AKT3: variants seen among roughly 807,000 people sequenced by gnomAD.
AKT3 encodes the protein AKT serine/threonine kinase 3, also known as RAC-gamma serine/threonine-protein kinase.
Under a neutral mutation model 65.3 loss-of-function variants are expected in AKT3, and 15 were observed. That is an observed-to-expected ratio of 0.23 (90% CI 0.15 to 0.35). The LOEUF is 0.35. Among genes scored for constraint, AKT3 ranks in the 10% least tolerant of loss-of-function variants. The probability of loss-of-function intolerance (pLI) is 1.00; values close to 1 mark genes in which losing one functional copy is unlikely to be tolerated. For synonymous variants in AKT3, 206 were observed against 183.8 expected (o/e 1.12, Z -0.98); for missense variants, 243 against 576.5 (o/e 0.42, Z 5.92).
chr1:243,846,149 A>T (rs1229633256), intron 1 of AKT3, among the ~76,000 whole-genome samples: 2 of 152,214 alleles, frequency 1.3e-5, no homozygotes, highest in Non-Finnish European at 2.9e-5. Context: ...AAAACATTCA[A>T]ACAGCATTTC....
chr1:243,834,911 T>G (rs1168760802), intron 2 of AKT3, among the ~76,000 whole-genome samples: 2 of 152,148 alleles, frequency 1.3e-5, no homozygotes, highest in African/African-American at 4.8e-5. Context: ...TATAACATTA[T>G]AACAGAGTTT....
intron 7 of AKT3, among the ~76,000 whole-genome samples, chr1:243,614,095 G>C (rs1054396667): frequency 6.6e-6 from 1 of 152,172 alleles, no homozygotes; most frequent in Admixed American, 6.5e-5. Context: ...TACACTAGTT[G>C]AAGTTCCTTA....
chr1:243,766,981 T>C (rs996929507), intron 2 of AKT3, among the ~76,000 whole-genome samples: 1 of 152,102 alleles, frequency 6.6e-6, no homozygotes, highest in Admixed American at 6.6e-5. Context: ...GGCATACCCA[T>C]GGGGAAGTTT....
At chr1:243,566,877 G>A (rs1403604770) in intron 9 of AKT3, among the ~76,000 whole-genome samples, 1 of 152,108 alleles carries the variant, frequency 6.6e-6, no homozygotes, top group African/African-American at 2.4e-5. Context: ...AAAAAACACT[G>A]TATTTTAAAG....
At position 243,591,022 on chromosome 1, in the gene AKT3, G is replaced by A. The variant is rs143059907; in HGVS notation, c.697-17974C>T. On this transcript the variant is annotated intron_variant, in intron 8 of 13. Coordinates refer to ENST00000673466, the MANE Select transcript of AKT3 (RefSeq NM_005465.7). ...ACAAAACAAAACAAAAAGAGCCTAC[G>A]AGGATCCTTGATTTAATGATACTGA... Among the ~76,000 whole-genome samples the A allele has an allele frequency of 4.7e-3, 718 of 152,194 alleles. 4 individuals are homozygous for A. The highest frequency in any genetic ancestry group is 8.2e-3 in the Non-Finnish European group (558 of 68,022).
At chr1:243,794,320 G>A (rs1175483609) in intron 2 of AKT3, 1 of 152,324 alleles carries the variant, frequency 6.6e-6, no homozygotes, top group South Asian at 2.1e-4. Flanking sequence ...ACAGGCATAA[G>A]CCACTGTACC....
At chr1:243,505,957 G>A (rs537124180) in intron 13 of AKT3, among the ~76,000 whole-genome samples, 8 of 152,360 alleles carry the variant, frequency 5.3e-5, no homozygotes, top group Admixed American at 2.0e-4. Flanking sequence ...GACTTGAAAG[G>A]CATCAAAACA....
intron 2 of AKT3, among the ~76,000 whole-genome samples, chr1:243,784,775 C>A (rs975608518): frequency 6.6e-6 from 1 of 152,210 alleles, no homozygotes; most frequent in Admixed American, 6.5e-5. Context: ...CTGGCCTTCA[C>A]GGCCTCCTGT....
chr1:243,751,451 T>C (rs1688807483), intron 2 of AKT3, among the ~76,000 whole-genome samples: 1 of 152,258 alleles, frequency 6.6e-6, no homozygotes, highest in Admixed American at 6.5e-5. Context: ...TAAGTAATAG[T>C]TGCTCATTTC....
At chr1:243,836,918 A>G (rs1211533332) in intron 2 of AKT3, among the ~76,000 whole-genome samples, 1 of 151,960 alleles carries the variant, frequency 6.6e-6, no homozygotes, top group Non-Finnish European at 1.5e-5. Flanking sequence ...CTCAAAAAAA[A>G]AAAAAAAAAA....
At chr1:243,759,083 G>A (rs1268522018) in intron 2 of AKT3, among the ~76,000 whole-genome samples, 1 of 152,166 alleles carries the variant, frequency 6.6e-6, no homozygotes, top group Admixed American at 6.5e-5. Flanking sequence ...GGAGGCCAAG[G>A]CAGGAGGATC....
chr1:243,758,151 T>C (rs2148233590), intron 2 of AKT3, among the ~76,000 whole-genome samples: 1 of 152,298 alleles, frequency 6.6e-6, no homozygotes, highest in Non-Finnish European at 1.5e-5. Flanking sequence ...AGTGCCAGAC[T>C]CTCTGACAGG....
chr1:243,813,510 C>T (rs1693317418), intron 2 of AKT3, among the ~76,000 whole-genome samples: 1 of 140,752 alleles, frequency 7.1e-6, no homozygotes. Flanking sequence ...AAAAAAAGTA[C>T]ATAATAAAAA....
At chr1:243,662,254 C>T (rs796329683) in intron 4 of AKT3, among the ~76,000 whole-genome samples, 1 of 152,012 alleles carries the variant, frequency 6.6e-6, no homozygotes, top group Admixed American at 6.6e-5. Context: ...GACACATGCA[C>T]ATGTATGTTT....
At chr1:243,590,638 A>G (rs1251340347) in intron 8 of AKT3, among the ~76,000 whole-genome samples, 1 of 152,194 alleles carries the variant, frequency 6.6e-6, no homozygotes, top group East Asian at 1.9e-4. Flanking sequence ...GAGATAAAAC[A>G]AACAACATCT....
intron 3 of AKT3, among the ~76,000 whole-genome samples, chr1:243,680,629 A>C (rs1683843643): frequency 6.6e-6 from 1 of 152,162 alleles, no homozygotes; most frequent in African/African-American, 2.4e-5. Flanking sequence ...AAAAATCAGA[A>C]AGCCAATAAT....
intron 3 of AKT3, among the ~76,000 whole-genome samples, chr1:243,686,045 C>A (rs1193067094): frequency 6.6e-6 from 1 of 152,082 alleles, no homozygotes; most frequent in Non-Finnish European, 1.5e-5. Flanking sequence ...ATACAACTTA[C>A]AAGGGATGTG....
At chr1:243,561,002 A>ATATTT (rs1170222337) in intron 10 of AKT3, among the ~76,000 whole-genome samples, 1 of 152,106 alleles carries the variant, frequency 6.6e-6, no homozygotes, top group African/African-American at 2.4e-5. Context: ...ATTCTAGAAA[A>ATATTT]TATTTTATTT....
At chr1:243,828,879 T>C (rs1177054580) in intron 2 of AKT3, among the ~76,000 whole-genome samples, 4 of 152,136 alleles carry the variant, frequency 2.6e-5, no homozygotes, top group African/African-American at 4.8e-5. Context: ...GAAGTAAGAA[T>C]AGATTCACTA....
Sources: allele counts gnomAD v4.1 joint callset (sites outside exome capture counted in the v4.1 genomes callset), GRCh38; gene constraint gnomAD v4.1.1; transcripts MANE v1.5; gene names NCBI Gene and HGNC (gene_info 2026-07-23, HGNC 2026-07-21).